Variants in ADAMTSL3 observed in about 807,000 individuals in gnomAD.
ADAMTSL3 encodes ADAMTS-like protein 3.
In ADAMTSL3, 128 loss-of-function variants were observed where a neutral mutation model predicts 201.7. The observed-to-expected ratio is 0.63, with a 90% CI of 0.55 to 0.73. The LOEUF is 0.73. Among genes scored for constraint, ADAMTSL3 ranks in the 30% least tolerant of loss-of-function variants. ADAMTSL3 has a pLI of 0.00. For missense variants in ADAMTSL3, 1,990 were observed against 2,119.6 expected (o/e 0.94, Z 1.20); for synonymous variants, 738 against 748.4 (o/e 0.99, Z 0.23).
intron 3 of ADAMTSL3, among the ~76,000 whole-genome samples, chr15:83,757,022 C>A (rs930445506): frequency 6.6e-6 from 1 of 152,214 alleles, no homozygotes; most frequent in Non-Finnish European, 1.5e-5. Context: ...TAGCCCCTCT[C>A]CTGGCTGCTT....
intron 4 of ADAMTSL3, among the ~76,000 whole-genome samples, chr15:83,787,999 CAT>C (rs1216023451): frequency 6.6e-6 from 1 of 152,092 alleles, no homozygotes; most frequent in Non-Finnish European, 1.5e-5. Flanking sequence ...ATTATAAAGA[CAT>C]GTTATTAAAT....
At chr15:83,983,639 A>T (rs1020379326) in intron 21 of ADAMTSL3, among the ~76,000 whole-genome samples, 1 of 152,244 alleles carries the variant, frequency 6.6e-6, no homozygotes, top group Non-Finnish European at 1.5e-5. Flanking sequence ...ATTTAAAAAT[A>T]AAATCAATAT....
chr15:83,962,894 T>C (rs1188423387), intron 19 of ADAMTSL3, among the ~76,000 whole-genome samples: 1 of 152,170 alleles, frequency 6.6e-6, no homozygotes, highest in Non-Finnish European at 1.5e-5. Context: ...GGGTGTCTCC[T>C]TACCTGGGAA....
rs749424424 is a variant in ADAMTSL3 at position 83,913,263 on chromosome 15, A to G, written c.1872A>G (p.Ala624=). The change falls in exon 16 of 30, where the codon GCA becomes GCG. Residue 624 remains alanine, a synonymous_variant. Transcript: ENST00000286744. The part of the protein sequence containing the change: ...LPTERPCLLE[A]CDESPASREL... ...CCGAACGGCCCTGCCTCCTGGAAGCATGTGATGAGAGCCCGGCCTCCCGAG... is the reference window on the plus strand; with the variant it reads ...CCGAACGGCCCTGCCTCCTGGAAGCGTGTGATGAGAGCCCGGCCTCCCGAG... 1 of 1,614,016 alleles carries G rather than the reference A, an allele frequency of 6.2e-7. No homozygotes were observed. The highest frequency in any genetic ancestry group is 1.3e-5 in the African/African-American group (1 of 74,920).
chr15:83,657,913 G>T (rs1264212327), intron 2 of ADAMTSL3, among the ~76,000 whole-genome samples: 1 of 152,144 alleles, frequency 6.6e-6, no homozygotes. Context: ...GGGTCAGCCT[G>T]GGTTTGACTC....
At chr15:84,022,192 T>C (rs796530165) in intron 26 of ADAMTSL3, among the ~76,000 whole-genome samples, 4 of 152,260 alleles carry the variant, frequency 2.6e-5, no homozygotes, top group South Asian at 2.1e-4. Flanking sequence ...CATCCATTCT[T>C]GTCCATTTCC....
At chr15:84,028,446 A>G (rs1013136655) in intron 27 of ADAMTSL3, among the ~76,000 whole-genome samples, 1 of 152,214 alleles carries the variant, frequency 6.6e-6, no homozygotes, top group Admixed American at 6.5e-5. Context: ...CATAAAATAA[A>G]TTATAAGGAC....
chr15:83,808,795 C>T (rs1255898061), intron 5 of ADAMTSL3, among the ~76,000 whole-genome samples: 3 of 151,220 alleles, frequency 2.0e-5, no homozygotes, highest in South Asian at 2.1e-4. Context: ...ACTATGCAGC[C>T]GTAAAAAGAA....
intron 4 of ADAMTSL3, among the ~76,000 whole-genome samples, chr15:83,779,877 A>T (rs940167117): frequency 6.6e-6 from 1 of 152,176 alleles, no homozygotes; most frequent in Non-Finnish European, 1.5e-5. Context: ...GTTATTTGAA[A>T]CTAATGAGAA....
chr15:83,737,976 C>A (rs2062394241), intron 3 of ADAMTSL3, among the ~76,000 whole-genome samples: 1 of 152,114 alleles, frequency 6.6e-6, no homozygotes, highest in Non-Finnish European at 1.5e-5. Context: ...ACTGAACTCA[C>A]CTACACTGGC....
chr15:83,828,027 T>G (rs1273098033), intron 6 of ADAMTSL3, among the ~76,000 whole-genome samples: 1 of 152,174 alleles, frequency 6.6e-6, no homozygotes, highest in Non-Finnish European at 1.5e-5. Flanking sequence ...ATATGAACTT[T>G]AAAGTAGTTT....
intron 7 of ADAMTSL3, among the ~76,000 whole-genome samples, chr15:83,843,530 C>A (rs755932125): frequency 1.3e-5 from 2 of 152,160 alleles, no homozygotes; most frequent in African/African-American, 4.8e-5. Flanking sequence ...GATTTTTTCC[C>A]TAGGCCATAT....
chr15:83,704,003 CAAAA>C (rs373378778), intron 2 of ADAMTSL3, among the ~76,000 whole-genome samples: 2 of 127,802 alleles, frequency 1.6e-5, no homozygotes, highest in African/African-American at 6.0e-5. Flanking sequence ...ACTCCTTTGC[CAAAA>C]AAAAAAAAAA....
intron 17 of ADAMTSL3, among the ~76,000 whole-genome samples, chr15:83,927,660 T>G (rs1029708517): frequency 6.6e-6 from 1 of 152,216 alleles, no homozygotes; most frequent in African/African-American, 2.4e-5. Context: ...AATTTAGGAT[T>G]TTTAGGTAAT....
chr15:83,752,969 AT>A (rs1324623766), intron 3 of ADAMTSL3, among the ~76,000 whole-genome samples: 1 of 152,206 alleles, frequency 6.6e-6, no homozygotes, highest in Non-Finnish European at 1.5e-5. Context: ...CTGAGGAGTC[AT>A]TGTCCTTCCT....
rs79430498 is a variant in ADAMTSL3, at chr15:84,035,294, A to C, written c.4755-1479A>C. On this transcript the variant is annotated intron_variant, in intron 28 of 29. Transcript: ENST00000286744. The stretch of plus-strand genomic sequence containing the variant: ...TGCAAAAAAGGGTGAGGGATTTATT[A>C]ATAAGACAAGACCACCCAAAACTTG... Among the ~76,000 whole-genome samples the C allele has an allele frequency of 5.8e-4, 88 of 152,344 alleles. 1 individual carries two copies. In the East Asian group the frequency reaches 0.015, roughly 26 times the overall value.
At chr15:83,868,041 C>T (rs184918303) in intron 8 of ADAMTSL3, among the ~76,000 whole-genome samples, 28 of 152,262 alleles carry the variant, frequency 1.8e-4, no homozygotes, top group African/African-American at 6.3e-4. Flanking sequence ...TTCCCTCCCT[C>T]CCCTCAATAT....
intron 26 of ADAMTSL3, 83 bp from the exon 27 acceptor site, chr15:84,025,155 A>T: frequency 8.2e-7 from 1 of 1,213,712 alleles, no homozygotes; most frequent in Non-Finnish European, 1.1e-6. Context: ...TGGTGTTGGG[A>T]TCAGCTTTTT....
rs759472378 is a variant in ADAMTSL3 at position 83,804,640 on chromosome 15, T to G, written c.318-10T>G. 1 of 1,546,088 alleles carries G rather than the reference T, an allele frequency of 6.5e-7. No individual in the cohort carries two copies. On this transcript the variant is annotated splice_polypyrimidine_tract_variant and intron_variant, in intron 4 of 29. Coordinates refer to ENST00000286744, the MANE Select transcript of ADAMTSL3 (RefSeq NM_207517.3). ...ATTATTTCTTCTTTCTTCTTTCTTTTTTCCTTTAGGAATTGTGAAGGGCAG... is the reference window on the plus strand; with the variant it reads ...ATTATTTCTTCTTTCTTCTTTCTTTGTTCCTTTAGGAATTGTGAAGGGCAG...
Sources: allele counts gnomAD v4.1 joint callset (sites outside exome capture counted in the v4.1 genomes callset), GRCh38; gene constraint gnomAD v4.1.1; transcripts MANE v1.5; gene names NCBI Gene and HGNC (gene_info 2026-07-23, HGNC 2026-07-21).